Variants in BACH2 observed in about 807,000 individuals in gnomAD.
BACH2 encodes the protein BACH transcriptional regulator 2, also known as transcription regulator protein BACH2.
BACH2 carries 5 observed loss-of-function variants against 61.8 expected under a neutral mutation model. The ratio of observed to expected loss-of-function variants is 0.08; its 90% CI spans 0.04 to 0.17. The LOEUF (loss-of-function observed/expected upper bound fraction) is 0.17, where lower values mean the gene tolerates loss of function less well. Ranked by LOEUF, BACH2 falls within the 10% of genes least tolerant of loss-of-function variation. The pLI is 1.00. For missense variants in BACH2, 824 were observed against 1,091.1 expected, an observed-to-expected ratio of 0.76 and a Z score of 3.45; for synonymous variants, 446 against 440.1, an observed-to-expected ratio of 1.01 and a Z score of -0.17.
chr6:90,272,922 A>T (rs193043527), intron 1 of BACH2, among the ~76,000 whole-genome samples: 51 of 152,272 alleles, frequency 3.3e-4, no homozygotes, highest in African/African-American at 1.2e-3. Context: ...GAGAATCCTC[A>T]TCACCCCTCT....
At chr6:90,133,546 TA>T (rs1784151753) in intron 4 of BACH2, among the ~76,000 whole-genome samples, 1 of 152,196 alleles carries the variant, frequency 6.6e-6, no homozygotes, top group African/African-American at 2.4e-5. Flanking sequence ...TTTATTTATT[TA>T]TTTTTTATTG....
Position 90,259,113 on chromosome 6 carries a change from G to A in BACH2, c.-352-6523C>T, listed in dbSNP as rs572085336. 2.6e-5 allele frequency among the ~76,000 whole-genome samples: 4 copies of A among 152,272 alleles called. No homozygotes were observed. The East Asian group carries it at 7.7e-4, about 29-fold the overall frequency. On this transcript the variant is annotated intron_variant, in intron 2 of 8. Coordinates refer to ENST00000257749, the MANE Select transcript of BACH2 (RefSeq NM_021813.4). The stretch of plus-strand genomic sequence containing the variant: ...ACTTCCAGTACTATGTTGAATAGAA[G>A]TGGTGAAAGTGGGCATCCATGCCTG...
At chr6:89,941,628 C>A (rs1773436048) in intron 7 of BACH2, among the ~76,000 whole-genome samples, 1 of 152,202 alleles carries the variant, frequency 6.6e-6, no homozygotes, top group African/African-American at 2.4e-5. Context: ...CGTTGGATAA[C>A]AAACACACTC....
intron 3 of BACH2, among the ~76,000 whole-genome samples, chr6:90,218,913 T>C (rs1469334394): frequency 6.9e-6 from 1 of 144,932 alleles, no homozygotes; most frequent in African/African-American, 2.7e-5. Context: ...AATTTCGGTT[T>C]CCTTTCCGTG....
chr6:89,938,476 C>G, intron 7 of BACH2, 126 bp from the exon 8 acceptor site: 1 of 729,152 alleles, frequency 1.4e-6, no homozygotes, highest in South Asian at 1.9e-5. Flanking sequence ...TGAAAGCAAG[C>G]AGTGATTACT....
chr6:90,215,359 C>G (rs941828202), intron 3 of BACH2, among the ~76,000 whole-genome samples: 3 of 152,158 alleles, frequency 2.0e-5, no homozygotes, highest in Non-Finnish European at 4.4e-5. Context: ...TTCTTGCCCC[C>G]CTTTCACAAG....
Position 89,950,451 on chromosome 6 carries a change from T to G in BACH2, c.1655A>C (p.Gln552Pro). ...TTCTGTGGCAAGGAATCTGGCTCCC[T>G]GGGAACAGGGCGAGGAGGAGAACTC... ...LCEFSSSPCS[Q>P]GARFLATEHQ... Residue 552 changes from glutamine (Q) to proline (P), a missense_variant, in exon 7 of 9, where the codon CAG becomes CCG. Gln to Pro is a moderately conservative substitution (Grantham distance 76). This residue lies in a region of BACH2 where 160 missense variants were observed against 283.5 expected (regional missense o/e 0.56). Coordinates refer to ENST00000257749, the MANE Select transcript of BACH2 (RefSeq NM_021813.4). The surrounding 1 kb of genome is among the most constrained non-coding windows in gnomAD (Gnocchi z 5.3). 1 of 1,614,110 alleles carries G rather than the reference T, an allele frequency of 6.2e-7. No individual in the cohort carries two copies. Among genetic ancestry groups the G allele is most frequent in the Non-Finnish European group, 8.5e-7 (1 of 1,180,014 alleles).
intron 2 of BACH2, among the ~76,000 whole-genome samples, chr6:90,257,318 C>T (rs562191149): frequency 3.9e-5 from 6 of 152,286 alleles, no homozygotes; most frequent in African/African-American, 9.6e-5. Context: ...TTTTCCATAA[C>T]GGCTATACCC....
At chr6:89,953,650 G>A (rs545501006) in intron 6 of BACH2, among the ~76,000 whole-genome samples, 2 of 152,124 alleles carry the variant, frequency 1.3e-5, no homozygotes, top group Non-Finnish European at 2.9e-5. Flanking sequence ...AATCTAACCT[G>A]GGGTCTCTCA....
chr6:90,124,634 A>C (rs1031021072), intron 4 of BACH2, among the ~76,000 whole-genome samples: 1 of 152,192 alleles, frequency 6.6e-6, no homozygotes, highest in Admixed American at 6.5e-5. Context: ...TAATATATGT[A>C]CGGTATTCTT....
At chr6:90,044,808 G>A (rs1301187903) in intron 5 of BACH2, among the ~76,000 whole-genome samples, 1 of 152,292 alleles carries the variant, frequency 6.6e-6, no homozygotes, top group South Asian at 2.1e-4. Flanking sequence ...ATGAATGGGG[G>A]TGTCATTTAT....
At chr6:90,055,748 G>A (rs1780307545) in intron 5 of BACH2, among the ~76,000 whole-genome samples, 1 of 152,224 alleles carries the variant, frequency 6.6e-6, no homozygotes, top group Admixed American at 6.5e-5. Context: ...CCCACAAAGG[G>A]AAGCCCAACA....
chr6:90,013,735 C>T (rs1364847815), intron 5 of BACH2, among the ~76,000 whole-genome samples: 1 of 151,938 alleles, frequency 6.6e-6, no homozygotes, highest in Non-Finnish European at 1.5e-5. Flanking sequence ...GTCTTGATCT[C>T]CTGACTTTGT....
At chr6:90,071,353 G>A (rs1781220101) in intron 5 of BACH2, among the ~76,000 whole-genome samples, 2 of 152,188 alleles carry the variant, frequency 1.3e-5, no homozygotes, top group South Asian at 2.1e-4. Flanking sequence ...TAAGTTCTGC[G>A]AAGGAGGCAG....
intron 4 of BACH2, among the ~76,000 whole-genome samples, chr6:90,130,398 C>T (rs1030093904): frequency 6.6e-6 from 1 of 152,184 alleles, no homozygotes; most frequent in African/African-American, 2.4e-5. Context: ...GGAGCTAACA[C>T]CGAAGGAGCA....
At chr6:89,962,645 T>C (rs1462446116) in intron 6 of BACH2, among the ~76,000 whole-genome samples, 1 of 152,314 alleles carries the variant, frequency 6.6e-6, no homozygotes. Context: ...CATGTGAACT[T>C]TGTTTTGGAC....
chr6:90,180,179 A>G (rs1582455548), intron 4 of BACH2, among the ~76,000 whole-genome samples: 2 of 152,174 alleles, frequency 1.3e-5, no homozygotes, highest in African/African-American at 4.8e-5. Context: ...ATAAAAATTT[A>G]ACTTTTTAAA....
intron 4 of BACH2, among the ~76,000 whole-genome samples, chr6:90,200,657 C>T (rs118069140): frequency 0.011 from 1,677 of 152,130 alleles, 26 homozygotes; most frequent in Non-Finnish European, 0.017. Flanking sequence ...ATGAAATACA[C>T]AAATATTGTA....
At chr6:90,027,129 T>C (rs1486875631) in intron 5 of BACH2, among the ~76,000 whole-genome samples, 2 of 152,068 alleles carry the variant, frequency 1.3e-5, no homozygotes, top group Non-Finnish European at 2.9e-5. Context: ...TTAAGTCCCA[T>C]ATCAAGTAAC....
Sources: allele counts gnomAD v4.1 joint callset (sites outside exome capture counted in the v4.1 genomes callset), GRCh38; gene constraint gnomAD v4.1.1; regional missense constraint gnomAD v4.1.1; non-coding constraint Gnocchi (gnomAD v3.1); transcripts MANE v1.5; gene names NCBI Gene and HGNC (gene_info 2026-07-23, HGNC 2026-07-21).